GDF5: variants seen among roughly 807,000 people sequenced by gnomAD.
GDF5 encodes the protein growth differentiation factor 5.
In GDF5, 17 loss-of-function variants were observed where a neutral mutation model predicts 34.6. That is an observed-to-expected ratio of 0.49 (90% confidence interval 0.34 to 0.74). The LOEUF (loss-of-function observed/expected upper bound fraction) is 0.74, where lower values mean the gene tolerates loss of function less well. Ranked by LOEUF, GDF5 falls within the 30% of genes least tolerant of loss-of-function variation. The probability of loss-of-function intolerance (pLI) is 0.01; values close to 1 mark genes in which losing one functional copy is unlikely to be tolerated. For missense variants in GDF5, 616 were observed against 661.2 expected (o/e 0.93, Z 0.75); for synonymous variants, 332 against 290.7 (o/e 1.14, Z -1.44).
chr20:35,447,482 T>A (rs1235841093), intron 1 of GDF5, among the ~76,000 whole-genome samples: 1 of 152,214 alleles, frequency 6.6e-6, no homozygotes, highest in Non-Finnish European at 1.5e-5. Flanking sequence ...TGCAAATACC[T>A]GTACTACAAT....
At chr20:35,440,404 C>T (rs2146585954), upstream of GDF5, among the ~76,000 whole-genome samples, 1 of 152,180 alleles carries the variant, frequency 6.6e-6, no homozygotes, top group Non-Finnish European at 1.5e-5. Context: ...TCCCTCCCTT[C>T]ACTCCCTCCT....
intron 1 of GDF5, among the ~76,000 whole-genome samples, chr20:35,446,649 T>C (rs224339): frequency 0.99 from 150,589 of 152,190 alleles, 74,521 homozygotes; most frequent in Middle Eastern, 1. Context: ...TAAAAAAGAT[T>C]CCACTGTTAA....
At position 35,437,307 on chromosome 20, in the gene GDF5, T is replaced by C. The variant is rs1281651854; in HGVS notation, c.622A>G (p.Lys208Glu). 6.2e-7 allele frequency: 1 copy of C among 1,611,204 alleles called. No homozygotes were observed. The highest frequency in any genetic ancestry group is 8.5e-7 in the Non-Finnish European group (1 of 1,178,218). Residue 208 changes from lysine (K) to glutamate (E), a missense_variant, in exon 1 of 2, where the codon AAA (lysine) becomes GAA (glutamate). Coordinates refer to ENST00000374369, the MANE Select transcript of GDF5 (RefSeq NM_000557.5). Reference protein sequence around the residue: ...LANTITSFIDKGQDDRGPVVR... With the variant: ...LANTITSFIDEGQDDRGPVVR... ...CACCCCGCCCCCTCACCTTGCCCTT[T>C]GTCAATAAAGCTGGTGATGGTGTTG... is the stretch of plus-strand genomic sequence containing the variant.
chr20:35,435,779 A>C (rs907178132), intron 1 of GDF5, among the ~76,000 whole-genome samples: 1 of 152,076 alleles, frequency 6.6e-6, no homozygotes, highest in Non-Finnish European at 1.5e-5. Context: ...AGTTGTATGC[A>C]TGTGTGTGAT....
chr20:35,449,529 CTG>C (rs1011824788), intron 1 of GDF5, among the ~76,000 whole-genome samples: 3 of 152,106 alleles, frequency 2.0e-5, no homozygotes, highest in African/African-American at 4.8e-5. Flanking sequence ...ATTTACTACA[CTG>C]TGTGTGTGTG....
rs766838573 is a variant in GDF5, at chr20:35,434,319, C to T, written c.1096G>A (p.Asp366Asn). The T allele has an allele frequency of 6.2e-7, 1 of 1,614,078 alleles. No individual in the cohort carries two copies. Residue 366 changes from aspartate (D) to asparagine (N), a missense_variant, in exon 2 of 2, where the codon GAT becomes AAT. By Grantham distance (23) the Asp-to-Asn change is conservative. Transcript: ENST00000374369. Reference protein sequence around the residue: ...NEIKARSGQDDKTVYEYLFSQ... With the variant: ...NEIKARSGQDNKTVYEYLFSQ... The stretch of plus-strand genomic sequence containing the variant: ...AACAGGTACTCATACACGGTCTTAT[C>T]GTCCTGGCCAGAGCGGGCCTTAATC...
chr20:35,453,473 T>C (rs1030099565), intron 1 of GDF5, among the ~76,000 whole-genome samples: 1 of 152,176 alleles, frequency 6.6e-6, no homozygotes, highest in African/African-American at 2.4e-5. Context: ...ATATTTAGAT[T>C]GTTTCATTTG....
chr20:35,434,925 C>T (rs1411439738), intron 1 of GDF5, 142 bp from the exon 2 acceptor site: 2 of 893,102 alleles, frequency 2.2e-6, no homozygotes, highest in Non-Finnish European at 3.8e-6. Context: ...AAGCCAAGAG[C>T]CAAACCACTG....
intron 1 of GDF5, among the ~76,000 whole-genome samples, chr20:35,447,314 GA>G (rs1163996441): frequency 6.6e-6 from 1 of 152,000 alleles, no homozygotes; most frequent in Non-Finnish European, 1.5e-5. Context: ...ATTTAACAAT[GA>G]AAACCTGGTT....
rs540697294 is a variant in GDF5 at position 35,436,579 on chromosome 20, G to C, written c.631+719C>G. On this transcript the variant is annotated intron_variant, in intron 1 of 1. Coordinates refer to ENST00000374369, the MANE Select transcript of GDF5 (RefSeq NM_000557.5). ...ATTAGGTGGGCCGAGAGAGACAGAG[G>C]GGAGCAGGTAGTCTCTGGAGTTAAT... Among the ~76,000 whole-genome samples the C allele has an allele frequency of 5.9e-5, 9 of 152,272 alleles. No homozygotes were observed. The South Asian group carries it at 1.7e-3, about 28-fold the overall frequency.
chr20:35,449,187 T>A (rs1447271360), intron 1 of GDF5, among the ~76,000 whole-genome samples: 1 of 152,150 alleles, frequency 6.6e-6, no homozygotes, highest in African/African-American at 2.4e-5. Context: ...CAGGCTGGTC[T>A]CAAACTCCTA....
At chr20:35,438,479 A>G (rs1376804487), upstream of GDF5, among the ~76,000 whole-genome samples, 1 of 151,718 alleles carries the variant, frequency 6.6e-6, no homozygotes, top group African/African-American at 2.4e-5. Context: ...CAATTTAATT[A>G]CTCTCTGATG....
intron 1 of GDF5, among the ~76,000 whole-genome samples, chr20:35,448,024 T>A (rs1305101421): frequency 6.6e-6 from 1 of 152,170 alleles, no homozygotes; most frequent in East Asian, 1.9e-4. Context: ...GATTATAAAA[T>A]TAAATCATGT....
intron 1 of GDF5, among the ~76,000 whole-genome samples, chr20:35,444,954 A>T (rs2146588609): frequency 6.6e-6 from 1 of 151,352 alleles, no homozygotes; most frequent in South Asian, 2.1e-4. Flanking sequence ...GGCTGGTCTC[A>T]AACTCCTGAC....
chr20:35,436,415 A>G (rs995566537), intron 1 of GDF5, among the ~76,000 whole-genome samples: 73 of 137,590 alleles, frequency 5.3e-4, no homozygotes, highest in African/African-American at 1.9e-3. Flanking sequence ...GCCTAGGACC[A>G]GAGCAAATGA....
chr20:35,442,504 G>A (rs932158765), upstream of GDF5, among the ~76,000 whole-genome samples: 4 of 149,852 alleles, frequency 2.7e-5, no homozygotes, highest in African/African-American at 9.8e-5. Context: ...ATCAGCCGCC[G>A]TGCCCAGCCC....
At chr20:35,448,397 CAAAAA>C (rs143351308) in intron 1 of GDF5, among the ~76,000 whole-genome samples, 3 of 110,526 alleles carry the variant, frequency 2.7e-5, no homozygotes, top group Non-Finnish European at 5.0e-5. Context: ...TTGTTTTTTT[CAAAAA>C]AAAAAAAAAA....
intron 1 of GDF5, among the ~76,000 whole-genome samples, chr20:35,450,005 A>G (rs2146591310): frequency 6.7e-6 from 1 of 149,030 alleles, no homozygotes; most frequent in South Asian, 2.1e-4. Context: ...AAAAAAAAAG[A>G]GAGAGAGAGA....
chr20:35,438,295 T>C, upstream of GDF5: 1 of 306,698 alleles, frequency 3.3e-6, no homozygotes, highest in Non-Finnish European at 6.3e-6. Flanking sequence ...AATGGCGTAA[T>C]GCTGCCTGTG....
Sources: gnomAD v4.1 joint callset for allele counts (sites outside exome capture counted in the v4.1 genomes callset) on GRCh38, gnomAD v4.1.1 for gene constraint, MANE v1.5 for transcripts, NCBI Gene and HGNC (gene_info 2026-07-23, HGNC 2026-07-21) for gene names.